FRMD4A: variants seen among roughly 807,000 people sequenced by gnomAD.
FRMD4A encodes the protein FERM domain containing 4A.
A neutral mutation model predicts 129.1 loss-of-function variants in FRMD4A; 29 were observed. The ratio of observed to expected loss-of-function variants is 0.22; its 90% CI spans 0.17 to 0.31. FRMD4A has a LOEUF of 0.31. FRMD4A is among the 10% of genes least tolerant of loss of function. The probability of loss-of-function intolerance (pLI) is 1.00; values close to 1 mark genes in which losing one functional copy is unlikely to be tolerated. For missense variants in FRMD4A, 1,272 were observed against 1,375.8 expected (o/e 0.92, Z 1.19); for synonymous variants, 634 against 571.6 (o/e 1.11, Z -1.56).
chr10:13,952,933 A>G (rs12260459), intron 2 of FRMD4A, among the ~76,000 whole-genome samples: 30,963 of 151,940 alleles, frequency 0.2, 3,406 homozygotes, highest in Admixed American at 0.23. Flanking sequence ...CTGACCTCAG[A>G]TGATCCACCC....
At chr10:14,161,130 A>G (rs1472059777) in intron 2 of FRMD4A, among the ~76,000 whole-genome samples, 3 of 151,930 alleles carry the variant, frequency 2.0e-5, no homozygotes, top group African/African-American at 4.8e-5. Context: ...AATTTTTTGT[A>G]GTTTTAGCAG....
intron 2 of FRMD4A, among the ~76,000 whole-genome samples, chr10:13,875,351 G>A (rs1451883952): frequency 6.6e-6 from 1 of 152,114 alleles, no homozygotes; most frequent in Non-Finnish European, 1.5e-5. Context: ...ACAAGCACTT[G>A]GAAAACTGCA....
chr10:13,895,921 CTCG>C (rs2094752770), intron 2 of FRMD4A, among the ~76,000 whole-genome samples: 1 of 152,190 alleles, frequency 6.6e-6, no homozygotes, highest in Admixed American at 6.5e-5. Context: ...TGAAAAAAAT[CTCG>C]TCATCACTGG....
At chr10:13,949,931 T>A (rs1304869982) in intron 2 of FRMD4A, among the ~76,000 whole-genome samples, 2 of 152,384 alleles carry the variant, frequency 1.3e-5, no homozygotes, top group Non-Finnish European at 1.5e-5. Flanking sequence ...CTCTTTGGAA[T>A]GCATGAAATA....
At chr10:13,800,663 C>T (rs990338776) in intron 4 of FRMD4A, among the ~76,000 whole-genome samples, 1 of 152,138 alleles carries the variant, frequency 6.6e-6, no homozygotes, top group Non-Finnish European at 1.5e-5. Context: ...GACTTAGGTC[C>T]CTGGGGGTCA....
chr10:14,099,149 C>T (rs781525891), intron 2 of FRMD4A, among the ~76,000 whole-genome samples: 1 of 152,216 alleles, frequency 6.6e-6, no homozygotes, highest in Non-Finnish European at 1.5e-5. Flanking sequence ...CCCTCCACCT[C>T]GGTCAAGCCT....
At chr10:14,141,604 T>G (rs1839839499) in intron 2 of FRMD4A, among the ~76,000 whole-genome samples, 1 of 150,244 alleles carries the variant, frequency 6.7e-6, no homozygotes, top group Non-Finnish European at 1.5e-5. Context: ...CCCCTTCACC[T>G]AGTGAGATCC....
chr10:14,050,899 A>G (rs1834225996), intron 2 of FRMD4A, among the ~76,000 whole-genome samples: 1 of 152,180 alleles, frequency 6.6e-6, no homozygotes, highest in Admixed American at 6.5e-5. Flanking sequence ...AACATAAGCA[A>G]AGCCTTTCCC....
At chr10:14,138,306 G>T (rs1470115303) in intron 2 of FRMD4A, among the ~76,000 whole-genome samples, 1 of 152,096 alleles carries the variant, frequency 6.6e-6, no homozygotes, top group African/African-American at 2.4e-5. Flanking sequence ...GAGTCCTACT[G>T]GGTCCAGCTG....
In FRMD4A at chr10:14,092,738, G is replaced by T. The variant is rs148738861; in HGVS notation, c.46-233826C>A. On this transcript the variant is annotated intron_variant, in intron 2 of 24. Coordinates refer to ENST00000357447, the MANE Select transcript of FRMD4A (RefSeq NM_018027.5). ...CTCAGCAATTCACAGGCATGTGGCT[G>T]GCACTCGAGGAGGGAGTCTGTCATC... Among the ~76,000 whole-genome samples, 117 of 152,332 alleles carry T rather than the reference G, an allele frequency of 7.7e-4. 1 individual carries two copies. Among genetic ancestry groups the T allele is most frequent in the Non-Finnish European group, 1.2e-3 (82 of 68,022 alleles).
intron 2 of FRMD4A, among the ~76,000 whole-genome samples, chr10:13,911,989 A>T (rs1208674261): frequency 6.6e-6 from 1 of 152,182 alleles, no homozygotes; most frequent in Non-Finnish European, 1.5e-5. Context: ...CAGAGAAGAG[A>T]AAGTTTCTAG....
chr10:14,138,021 G>C (rs2400039), intron 2 of FRMD4A, among the ~76,000 whole-genome samples: 75,850 of 151,758 alleles, frequency 0.5, 20,106 homozygotes, highest in East Asian at 0.77. Flanking sequence ...GCAGTTGTTA[G>C]ATACAAAGAC....
At chr10:13,913,070 T>C (rs61834317) in intron 2 of FRMD4A, among the ~76,000 whole-genome samples, 1 of 139,274 alleles carries the variant, frequency 7.2e-6, no homozygotes, top group African/African-American at 2.7e-5. Context: ...TAAAACTCCA[T>C]TTAAAAAAAA....
At chr10:14,170,701 T>A (rs1172098961) in intron 2 of FRMD4A, among the ~76,000 whole-genome samples, 1 of 152,210 alleles carries the variant, frequency 6.6e-6, no homozygotes, top group Non-Finnish European at 1.5e-5. Context: ...ACTCTCTATT[T>A]ACCGCACAAA....
intron 13 of FRMD4A, among the ~76,000 whole-genome samples, chr10:13,703,991 G>T (rs1408878097): frequency 6.6e-6 from 1 of 152,086 alleles, no homozygotes; most frequent in Non-Finnish European, 1.5e-5. Flanking sequence ...GGGACAAAGT[G>T]AGACTCTGTC....
chr10:14,050,971 A>G (rs1834229350), intron 2 of FRMD4A, among the ~76,000 whole-genome samples: 1 of 152,102 alleles, frequency 6.6e-6, no homozygotes, highest in Non-Finnish European at 1.5e-5. Context: ...GGACCCCCTA[A>G]TTTATTGCCA....
At chr10:13,946,792 C>T (rs538276123) in intron 2 of FRMD4A, among the ~76,000 whole-genome samples, 6 of 146,704 alleles carry the variant, frequency 4.1e-5, no homozygotes, top group Non-Finnish European at 9.3e-5. Context: ...GTCTGTGTGT[C>T]TGTCTGTCTG....
At chr10:13,892,093 C>T (rs1158319926) in intron 2 of FRMD4A, among the ~76,000 whole-genome samples, 1 of 151,616 alleles carries the variant, frequency 6.6e-6, no homozygotes, top group African/African-American at 2.4e-5. Flanking sequence ...CAGCCCCTCT[C>T]CGTGGCACCC....
intron 2 of FRMD4A, among the ~76,000 whole-genome samples, chr10:13,874,524 G>A (rs769571834): frequency 2.0e-5 from 3 of 151,968 alleles, no homozygotes; most frequent in Non-Finnish European, 4.4e-5. Context: ...TACTCCACAA[G>A]GCCCCATAAG....
Sources: allele counts gnomAD v4.1 joint callset (sites outside exome capture counted in the v4.1 genomes callset), GRCh38; gene constraint gnomAD v4.1.1; transcripts MANE v1.5; gene names NCBI Gene and HGNC (gene_info 2026-07-23, HGNC 2026-07-21).